FAM220A: variants seen among roughly 807,000 people sequenced by gnomAD.
FAM220A encodes the protein family with sequence similarity 220 member A, also known as protein FAM220A.
For synonymous variants in FAM220A, 141 were observed against 130.7 expected, an observed-to-expected ratio of 1.08 and a Z score of -0.54; for missense variants, 392 against 321.6, an observed-to-expected ratio of 1.22 and a Z score of -1.68.
At chr7:6,344,051 A>T (rs1230937574) in intron 1 of FAM220A, among the ~76,000 whole-genome samples, 1 of 151,758 alleles carries the variant, frequency 6.6e-6, no homozygotes, top group Non-Finnish European at 1.5e-5. Flanking sequence ...ACATTCAACT[A>T]ACTTTTAATG....
rs1781597998 is a variant in FAM220A at position 6,330,100 on chromosome 7, G to A, written c.*275C>T. The A allele has an allele frequency of 1.6e-5, 7 of 425,832 alleles. No homozygotes were observed. The highest frequency in any genetic ancestry group is 4.3e-5 in the Admixed American group (1 of 23,044). 26.4% of individuals were successfully genotyped at this position (425,832 alleles called of 1,614,324 possible). A position where few individuals can be genotyped will look rare whatever the true frequency, so the allele number is the denominator to read the frequency against. The stretch of plus-strand genomic sequence containing the variant: ...ACAGAACTTCATGGTAAATCCGTAT[G>A]TTCTAATCTGGTATTTATACAGGCT... On this transcript the variant is annotated 3_prime_UTR_variant, in exon 2 of 2. Transcript: ENST00000313324.
At chr7:6,339,879 G>A (rs550329588) in intron 1 of FAM220A, among the ~76,000 whole-genome samples, 25 of 151,116 alleles carry the variant, frequency 1.7e-4, no homozygotes, top group Non-Finnish European at 3.4e-4. Flanking sequence ...CCAGCTCGGC[G>A]TCAGGCAACT....
chr7:6,333,958 T>G (rs1469675004), intron 1 of FAM220A, among the ~76,000 whole-genome samples: 1 of 149,472 alleles, frequency 6.7e-6, no homozygotes, highest in Non-Finnish European at 1.5e-5. Context: ...GCCATTCTCC[T>G]GCCTCAGCCT....
At chr7:6,336,099 G>GGA (rs1252095447) in intron 1 of FAM220A, among the ~76,000 whole-genome samples, 1 of 151,480 alleles carries the variant, frequency 6.6e-6, no homozygotes, top group East Asian at 1.9e-4. Flanking sequence ...TTTGAACCTG[G>GGA]GAGGCGGAGG....
chr7:6,338,295 G>T (rs910019716), intron 1 of FAM220A, among the ~76,000 whole-genome samples: 1 of 152,064 alleles, frequency 6.6e-6, no homozygotes, highest in African/African-American at 2.4e-5. Flanking sequence ...GAGATATATT[G>T]TACCAGATAA....
intron 1 of FAM220A, among the ~76,000 whole-genome samples, chr7:6,347,792 A>T (rs1781980220): frequency 6.6e-6 from 1 of 151,710 alleles, no homozygotes; most frequent in African/African-American, 2.4e-5. Flanking sequence ...GTGGTGGCTC[A>T]TGCCTATAAT....
chr7:6,338,244 G>A (rs1781783728), intron 1 of FAM220A, among the ~76,000 whole-genome samples: 1 of 152,126 alleles, frequency 6.6e-6, no homozygotes. Flanking sequence ...GCATATTTAA[G>A]TCATTTATGA....
chr7:6,343,214 T>C lies in FAM220A; in HGVS notation c.-82+5359A>G, dbSNP rs561370316. ...CAACATGGTGAAGCCCCGTCTCTAC[T>C]AAAAATACAATAATTAGCTGGGCGT... On this transcript the variant is annotated intron_variant, in intron 1 of 1. Transcript: ENST00000313324. Among the ~76,000 whole-genome samples the C allele has an allele frequency of 7.3e-5, 11 of 150,454 alleles. 1 individual carries two copies. The highest frequency in any genetic ancestry group is 2.4e-4 in the African/African-American group (10 of 41,012).
intron 1 of FAM220A, among the ~76,000 whole-genome samples, chr7:6,336,810 AC>A (rs1243652773): frequency 6.6e-6 from 1 of 151,816 alleles, no homozygotes; most frequent in African/African-American, 2.4e-5. Context: ...GTGTGCCACC[AC>A]ATCCAGCTAA....
At chr7:6,346,860 G>A (rs1583242888) in intron 1 of FAM220A, among the ~76,000 whole-genome samples, 2 of 152,250 alleles carry the variant, frequency 1.3e-5, no homozygotes, top group East Asian at 3.9e-4. Flanking sequence ...GCTCAGACTG[G>A]TTCATTCTGC....
intron 1 of FAM220A, among the ~76,000 whole-genome samples, chr7:6,345,366 C>T (rs751834843): frequency 7.9e-5 from 12 of 152,086 alleles, no homozygotes; most frequent in Non-Finnish European, 1.6e-4. Context: ...CCTCCCACCT[C>T]AGTCTCCCAA....
At chr7:6,339,698 C>G (rs1185702079) in intron 1 of FAM220A, among the ~76,000 whole-genome samples, 1 of 151,936 alleles carries the variant, frequency 6.6e-6, no homozygotes, top group Non-Finnish European at 1.5e-5. Context: ...GTCTCGATCT[C>G]CTGACCTCAT....
rs1482504077 is a variant in FAM220A, at chr7:6,337,960, C to T, written c.-81-6725G>A. On this transcript the variant is annotated intron_variant, in intron 1 of 1. Transcript: ENST00000313324. ...CTGGTACTACAGGCACCAGCTGCCACGCCCAGCTAATTTTTGTATTTTCAG... is the reference window on the plus strand; with the variant it reads ...CTGGTACTACAGGCACCAGCTGCCATGCCCAGCTAATTTTTGTATTTTCAG... 3.3e-5 allele frequency among the ~76,000 whole-genome samples: 5 copies of T among 151,610 alleles called. 1 individual carries two copies. Among genetic ancestry groups the T allele is most frequent in the Admixed American group, 2.0e-4 (3 of 15,232 alleles).
intron 1 of FAM220A, among the ~76,000 whole-genome samples, chr7:6,344,468 C>G (rs929957032): frequency 2.0e-5 from 3 of 151,996 alleles, no homozygotes; most frequent in Admixed American, 6.6e-5. Flanking sequence ...TGTTGCCCAG[C>G]CTGGAGTACA....
At position 6,348,850 on chromosome 7, in the gene FAM220A, G is replaced by C. The variant is rs569308753; in HGVS notation, c.-359C>G. 2.6e-6 allele frequency: 1 copy of C among 391,694 alleles called. No individual in the cohort carries two copies. Among genetic ancestry groups the C allele is most frequent in the African/African-American group, 2.1e-5 (1 of 48,244 alleles). The allele number at this position is 391,694 out of a possible 1,614,324, so 24.3% of individuals were successfully genotyped here. A position where few individuals can be genotyped will look rare whatever the true frequency, so the allele number is the denominator to read the frequency against. ...CCCTCGCCTGGCGTGCTCAGGGAGC[G>C]AAGGAGGCGGCGGCTAGACCGGCGG... On this transcript the variant is annotated 5_prime_UTR_variant, in exon 1 of 2. Transcript: ENST00000313324.
intron 1 of FAM220A, among the ~76,000 whole-genome samples, chr7:6,335,270 T>C (rs185614203): frequency 6.6e-6 from 1 of 151,928 alleles, no homozygotes; most frequent in East Asian, 2.0e-4. Flanking sequence ...TTGCCCAGGC[T>C]GGAGGGCAAT....
At chr7:6,347,883 T>TTATTA (rs1781983746) in intron 1 of FAM220A, among the ~76,000 whole-genome samples, 86 of 131,534 alleles carry the variant, frequency 6.5e-4, no homozygotes, top group African/African-American at 2.4e-3. Context: ...ACGAGACCCC[T>TTATTA]TTATTATTAT....
chr7:6,336,006 C>G (rs1445626407), intron 1 of FAM220A, among the ~76,000 whole-genome samples: 2 of 151,934 alleles, frequency 1.3e-5, no homozygotes, highest in Non-Finnish European at 2.9e-5. Flanking sequence ...AACCCCGTCT[C>G]TACTAAAAAT....
intron 1 of FAM220A, among the ~76,000 whole-genome samples, chr7:6,337,073 CTT>C (rs1223883811): frequency 9.0e-5 from 13 of 144,816 alleles, no homozygotes; most frequent in Non-Finnish European, 7.6e-5. Flanking sequence ...TATTTTAATT[CTT>C]TTTTTTTTTT....
Sources: gnomAD v4.1 joint callset for allele counts (sites outside exome capture counted in the v4.1 genomes callset) on GRCh38, gnomAD v4.1.1 for gene constraint, MANE v1.5 for transcripts, NCBI Gene and HGNC (gene_info 2026-07-23, HGNC 2026-07-21) for gene names.